ZNF292: variants seen among roughly 807,000 people sequenced by gnomAD.
ZNF292 encodes 16 zinc-finger domain protein.
ZNF292 carries 26 observed loss-of-function variants against 217.9 expected under a neutral mutation model. The ratio of observed to expected loss-of-function variants is 0.12; its 90% confidence interval spans 0.09 to 0.17. ZNF292 has a LOEUF of 0.17. ZNF292 is among the 10% of genes least tolerant of loss of function. The pLI is 1.00. For synonymous variants in ZNF292, 1,257 were observed against 1,124.1 expected, an observed-to-expected ratio of 1.12 and a Z score of -2.37; for missense variants, 2,904 against 3,175.2, an observed-to-expected ratio of 0.91 and a Z score of 2.05.
At chr6:87,197,578 TA>T (rs758684757) in intron 1 of ZNF292, among the ~76,000 whole-genome samples, 14 of 148,812 alleles carry the variant, frequency 9.4e-5, no homozygotes, top group Non-Finnish European at 1.3e-4. Context: ...CTACTAAAAA[TA>T]AAAAAAAATT....
At chr6:87,241,862 ACATT>A (rs1332913527) in intron 5 of ZNF292, among the ~76,000 whole-genome samples, 2 of 152,244 alleles carry the variant, frequency 1.3e-5, no homozygotes, top group South Asian at 2.1e-4. Flanking sequence ...AAAGTGGTAC[ACATT>A]CAGTAAGTTT....
rs57115253 is a variant in ZNF292 at position 87,216,108 on chromosome 6, GACACACACACACACAC to G, written c.323+85_323+100del. Reference sequence around the variant, plus strand: ...CTAGATTTAGCTTTAAAAATACATAGACACACACACACACACACACACACACACACACACACACACA... The same window carrying G: ...CTAGATTTAGCTTTAAAAATACATAGACACACACACACACACACACACACA... On this transcript the variant is annotated intron_variant, in intron 2 of 7. Transcript: ENST00000369577. 9.7e-3 allele frequency: 5,023 copies of G among 515,682 alleles called. 33 individuals carry two copies. Among genetic ancestry groups the G allele is most frequent in the African/African-American group, 0.012 (405 of 33,512 alleles). 31.9% of individuals were successfully genotyped at this position (515,682 alleles called of 1,614,324 possible). A position where few individuals can be genotyped will look rare whatever the true frequency, so the allele number is the denominator to read the frequency against.
In ZNF292 at chr6:87,169,700, G is replaced by T. The variant is rs779108410; in HGVS notation, c.168+13941G>T. 20 of 443,866 alleles carry T rather than the reference G, an allele frequency of 4.5e-5. No individual in the cohort carries two copies. The highest frequency in any genetic ancestry group is 8.6e-5 in the Non-Finnish European group (19 of 220,762). The allele number at this position is 443,866 out of a possible 1,614,324, so 27.5% of individuals were successfully genotyped here. On this transcript the variant is annotated intron_variant, in intron 1 of 7. Transcript: ENST00000369577. ...GTCTCACTGTCACCCAGGCTGGAAT[G>T]CAGTGACGCCATCAGAGCTCACTTC... is the stretch of plus-strand genomic sequence containing the variant.
chr6:87,216,451 C>A, intron 3 of ZNF292, 74 bp downstream of exon 3: 2 of 1,114,920 alleles, frequency 1.8e-6, no homozygotes, highest in Non-Finnish European at 2.6e-6. Flanking sequence ...AAAAATTATT[C>A]AGTTAAACTT....
chr6:87,198,384 T>C (rs1772019234), intron 1 of ZNF292, among the ~76,000 whole-genome samples: 1 of 152,088 alleles, frequency 6.6e-6, no homozygotes, highest in Non-Finnish European at 1.5e-5. Context: ...TTTTGTATTT[T>C]TAGTAGAGAC....
intron 2 of ZNF292, 51 bp downstream of exon 2, chr6:87,216,108 GACACACAC>G (rs57115253): frequency 0.068 from 34,700 of 507,048 alleles, 577 homozygotes; most frequent in African/African-American, 0.16. Flanking sequence ...AAAATACATA[GACACACAC>G]ACACACACAC....
chr6:87,261,531 T>A lies in ZNF292; in HGVS notation c.7902T>A (p.Thr2634=). Residue 2634 remains threonine, a synonymous_variant, in exon 8 of 8, where the codon ACT becomes ACA. Transcript: ENST00000369577. ...HSNSRKNIDK[T]AVTSGNHVCP... is the part of the protein sequence containing the mutation. ...ATTCAAGAAAAAATATTGATAAGACTGCTGTGACTAGTGGAAATCATGTAT... is the reference window on the plus strand; with the variant it reads ...ATTCAAGAAAAAATATTGATAAGACAGCTGTGACTAGTGGAAATCATGTAT... 6.2e-7 allele frequency: 1 copy of A among 1,608,890 alleles called. No individual in the cohort carries two copies. The highest frequency in any genetic ancestry group is 8.5e-7 in the Non-Finnish European group (1 of 1,177,320).
chr6:87,216,383 AATCTTT>A lies in ZNF292; in HGVS notation c.402+14_402+19del, dbSNP rs1465636800. On this transcript the variant is annotated splice_region_variant and intron_variant, in intron 3 of 7. Coordinates refer to ENST00000369577, the MANE Select transcript of ZNF292 (RefSeq NM_015021.3). ...AATTTCAGACACTGGTGCAGGTGAG[AATCTTT>A]ATCTTTAGATTTAATACAGGTATAT... The A allele has an allele frequency of 2.6e-6, 4 of 1,564,366 alleles. No homozygotes were observed. The African/African-American group carries it at 4.1e-5, about 16-fold the overall frequency.
chr6:87,211,954 G>A (rs1772506265), intron 1 of ZNF292, among the ~76,000 whole-genome samples: 1 of 152,050 alleles, frequency 6.6e-6, no homozygotes, highest in Non-Finnish European at 1.5e-5. Flanking sequence ...AAGGGGTGTC[G>A]TAACAAAAAC....
In ZNF292 at chr6:87,260,095, G is replaced by A. The variant is rs192973468; in HGVS notation, c.6466G>A (p.Ala2156Thr). Residue 2156 changes from alanine to threonine, a missense_variant, in exon 8 of 8, where the codon GCT becomes ACT. This residue lies in a region of ZNF292 where 261 missense variants were observed against 272.8 expected (regional missense o/e 0.96). Coordinates refer to ENST00000369577, the MANE Select transcript of ZNF292 (RefSeq NM_015021.3). ...AGCAGAGGTCGAAGAGGAAAGTGAA[G>A]CTGGTAAAGAAAGTGAAGAAACTGA... ...FSAEVEEESE[A>T]GKESEETETK... is the part of the protein sequence containing the mutation. 15 of 1,613,558 alleles carry A rather than the reference G, an allele frequency of 9.3e-6. No individual in the cohort carries two copies. The East Asian group carries it at 3.3e-4, about 36-fold the overall frequency.
chr6:87,179,286 G>A (rs966715270), intron 1 of ZNF292, among the ~76,000 whole-genome samples: 24 of 149,954 alleles, frequency 1.6e-4, no homozygotes, highest in African/African-American at 3.9e-4. Context: ...ACAGCTTCCC[G>A]AGTAGCTGGG....
In ZNF292 at chr6:87,212,412, G is replaced by T. The variant is rs974861069; in HGVS notation, c.169-3491G>T. Among the ~76,000 whole-genome samples, 4 of 152,176 alleles carry T rather than the reference G, an allele frequency of 2.6e-5. No homozygotes were observed. In the East Asian group the frequency reaches 7.7e-4, roughly 29 times the overall value. On this transcript the variant is annotated intron_variant, in intron 1 of 7. Coordinates refer to ENST00000369577, the MANE Select transcript of ZNF292 (RefSeq NM_015021.3). ...ACCTCCTGCAAGACTGGGGGGTGGG[G>T]CTACAAGTTCCATCTCTCTAATCAT... is the stretch of plus-strand genomic sequence containing the variant.
At chr6:87,239,690 G>T (rs568952558) in intron 5 of ZNF292, among the ~76,000 whole-genome samples, 1,182 of 69,442 alleles carry the variant, frequency 0.017, 232 homozygotes, top group African/African-American at 0.1. Context: ...CTGCCGGGCG[G>T]AGGGGCTCCT....
At chr6:87,167,157 A>G (rs1770944592) in intron 1 of ZNF292, among the ~76,000 whole-genome samples, 1 of 152,230 alleles carries the variant, frequency 6.6e-6, no homozygotes, top group African/African-American at 2.4e-5. Context: ...ACTGCAGGAA[A>G]AATCATTTAT....
chr6:87,163,772 C>CA (rs1373575302), intron 1 of ZNF292, among the ~76,000 whole-genome samples: 1 of 151,990 alleles, frequency 6.6e-6, no homozygotes, highest in Non-Finnish European at 1.5e-5. Flanking sequence ...TTTGGATAAC[C>CA]AAAGAGAAGT....
rs372245966 is a variant in ZNF292, at chr6:87,256,548, A to G, written c.2919A>G (p.Pro973=). ...GEALVTDLHT[P]VEDTCNDLCH... ...CACTGGTCACAGACTTACATACGCC[A>G]GTTGAAGATACTTGTAATGATTTGT... is the stretch of plus-strand genomic sequence containing the variant. Residue 973 remains proline, a synonymous_variant, in exon 8 of 8, where the codon CCA becomes CCG. Transcript: ENST00000369577. The G allele has an allele frequency of 8.7e-5, 140 of 1,613,414 alleles. No individual in the cohort carries two copies. Among genetic ancestry groups the G allele is most frequent in the Admixed American group, 8.3e-5 (5 of 59,978 alleles).
At position 87,255,562 on chromosome 6, in the gene ZNF292, T is replaced by A. The variant is rs947946742; in HGVS notation, c.1933T>A (p.Phe645Ile). ...AAAGAATAGTCTCTATTCAACAGAT[T>A]TTATAGTGTTTAATGACAATGATGG... ...IKKNSLYSTD[F>I]IVFNDNDGSD... The change falls in exon 8 of 8, where the codon TTT becomes ATT. Residue 645 changes from phenylalanine to isoleucine, a missense_variant. Phe to Ile is a conservative substitution (Grantham distance 21). Coordinates refer to ENST00000369577, the MANE Select transcript of ZNF292 (RefSeq NM_015021.3). 1.2e-6 allele frequency: 2 copies of A among 1,610,546 alleles called. No individual in the cohort carries two copies. The highest frequency in any genetic ancestry group is 1.7e-6 in the Non-Finnish European group (2 of 1,178,110).
intron 1 of ZNF292, among the ~76,000 whole-genome samples, chr6:87,178,847 A>T (rs1771381472): frequency 6.6e-6 from 1 of 152,192 alleles, no homozygotes; most frequent in African/African-American, 2.4e-5. Flanking sequence ...GAATTTGTGA[A>T]AGAAAACTTG....
intron 1 of ZNF292, among the ~76,000 whole-genome samples, chr6:87,203,437 T>C (rs1045596121): frequency 6.6e-6 from 1 of 152,066 alleles, no homozygotes; most frequent in Non-Finnish European, 1.5e-5. Flanking sequence ...GCCACTGTGC[T>C]GAGCGATTTT....
Sources: allele counts gnomAD v4.1 joint callset (sites outside exome capture counted in the v4.1 genomes callset), GRCh38; gene constraint gnomAD v4.1.1; regional missense constraint gnomAD v4.1.1; transcripts MANE v1.5; gene names NCBI Gene and HGNC (gene_info 2026-07-23, HGNC 2026-07-21).